The following NPDC1 variants were observed in gnomAD, a reference collection of about 807,000 sequenced individuals.
The protein encoded by NPDC1 is neural proliferation, differentiation and control 1, also known as neural proliferation differentiation and control protein 1.
In NPDC1, 18 loss-of-function variants were observed where a neutral mutation model predicts 32.5. That is an observed-to-expected ratio of 0.55 (90% CI 0.38 to 0.82). The LOEUF (loss-of-function observed/expected upper bound fraction) is 0.82, where lower values mean the gene tolerates loss of function less well. NPDC1 is among the 40% of genes least tolerant of loss of function. The pLI, the probability that NPDC1 is intolerant of heterozygous loss-of-function variation, is 0.00. For missense variants in NPDC1, 468 were observed against 406.6 expected, an observed-to-expected ratio of 1.15 and a Z score of -1.30; for synonymous variants, 210 against 184.7, an observed-to-expected ratio of 1.14 and a Z score of -1.11.
intron 1 of NPDC1, among the ~76,000 whole-genome samples, chr9:137,045,553 G>T: frequency 6.6e-6 from 1 of 152,236 alleles, no homozygotes; most frequent in East Asian, 1.9e-4. Context: ...GACTCCCGGC[G>T]GGCCCGCCCA....
At chr9:137,041,371 C>T (rs111689451) in intron 2 of NPDC1, among the ~76,000 whole-genome samples, 184 bp from the exon 3 acceptor site, 2 of 152,146 alleles carry the variant, frequency 1.3e-5, no homozygotes, top group East Asian at 1.9e-4. Flanking sequence ...CAGTGCTTCC[C>T]GGAAAGTGGA....
At chr9:137,042,899 C>T (rs200957922) in intron 2 of NPDC1, 28 bp downstream of exon 2, 151 of 1,570,632 alleles carry the variant, frequency 9.6e-5, no homozygotes, top group Non-Finnish European at 8.0e-5. Context: ...GGACATCCCC[C>T]CATCGACTTC....
chr9:137,040,432 C>T lies in NPDC1; in HGVS notation c.713G>A (p.Gly238Glu). 1 of 1,554,144 alleles carries T rather than the reference C, an allele frequency of 6.4e-7. No individual in the cohort carries two copies. Among genetic ancestry groups the T allele is most frequent in the Non-Finnish European group, 8.7e-7 (1 of 1,150,146 alleles). ...CGCGCTCTGTGCCAGCCGCTGGTCCCCAGGCTGTGGGAAGGAGGAGGCGAG... is the reference window on the plus strand; with the variant it reads ...CGCGCTCTGTGCCAGCCGCTGGTCCTCAGGCTGTGGGAAGGAGGAGGCGAG... Reference protein sequence around the residue: ...GSPAAPRISPGDQRLAQSAEM... With the variant: ...GSPAAPRISPEDQRLAQSAEM... Residue 238 changes from glycine to glutamate, a missense_variant, in exon 7 of 9, where the codon GGG becomes GAG. Physicochemically the swap from Gly to Glu is moderately conservative, Grantham distance 98 (BLOSUM62 -2). Transcript: ENST00000371601.
In NPDC1 at chr9:137,039,547, T is replaced by C. The variant is rs1006675757; in HGVS notation, c.*225A>G. ...GCGCTCTACGGTTCTCCATGCCCCCTCCAGTTTGGGGGTCTAAACCGAACA... is the reference window on the plus strand; with the variant it reads ...GCGCTCTACGGTTCTCCATGCCCCCCCCAGTTTGGGGGTCTAAACCGAACA... On this transcript the variant is annotated 3_prime_UTR_variant, in exon 9 of 9. Transcript: ENST00000371601. The C allele has an allele frequency of 2.4e-5, 13 of 530,756 alleles. No individual in the cohort carries two copies. The highest frequency in any genetic ancestry group is 3.6e-5 in the Non-Finnish European group (11 of 302,266). 32.9% of individuals were successfully genotyped at this position (530,756 alleles called of 1,614,324 possible). A position where few individuals can be genotyped will look rare whatever the true frequency, so the allele number is the denominator to read the frequency against.
chr9:137,040,137 C>T (rs1464041263), intron 7 of NPDC1, 70 bp from the exon 8 acceptor site: 1 of 731,426 alleles, frequency 1.4e-6, no homozygotes, highest in East Asian at 2.6e-5. Flanking sequence ...TGGAAGTGGG[C>T]ACTCAGCCCA....
At chr9:137,040,269 A>C in intron 7 of NPDC1, 88 bp downstream of exon 7, 55 of 889,884 alleles carry the variant, frequency 6.2e-5, no homozygotes, top group Non-Finnish European at 7.8e-5. Context: ...GGCCTGGGGT[A>C]AAGTTGGCCA....
chr9:137,040,791 G>T, intron 4 of NPDC1, 23 bp downstream of exon 4: 1 of 1,585,260 alleles, frequency 6.3e-7, no homozygotes. Flanking sequence ...TGCTGCCCCT[G>T]CCCACCCCCG....
At position 137,040,586 on chromosome 9, in the gene NPDC1, C is replaced by A. The variant is rs988168797; in HGVS notation, c.636G>T (p.Glu212Asp). ...ASLCWCRLQR[E>D]IRLTQKADYA... Reference sequence around the variant, plus strand: ...AGTCGGCCTTCTGAGTCAGGCGGATCTCACGCTGCAGCCTGTGGGGAGTGG... The same window carrying A: ...AGTCGGCCTTCTGAGTCAGGCGGATATCACGCTGCAGCCTGTGGGGAGTGG... Residue 212 changes from glutamate (E) to aspartate (D), a missense_variant, in exon 6 of 9, where the codon GAG becomes GAT. Coordinates refer to ENST00000371601, the MANE Select transcript of NPDC1 (RefSeq NM_015392.4). The A allele has an allele frequency of 1.3e-6, 2 of 1,573,506 alleles. No homozygotes were observed. The highest frequency in any genetic ancestry group is 1.7e-6 in the Non-Finnish European group (2 of 1,165,316).
chr9:137,042,782 T>G lies in NPDC1; in HGVS notation c.259+145A>C, dbSNP rs1006025024. 3 of 976,542 alleles carry G rather than the reference T, an allele frequency of 3.1e-6. No individual in the cohort carries two copies. The South Asian group carries it at 5.1e-5, about 17-fold the overall frequency. The allele number at this position is 976,542 out of a possible 1,614,324, so 60.5% of individuals were successfully genotyped here. The stretch of plus-strand genomic sequence containing the variant: ...CATGTTGGCCAGGCTGGTCTTGAAC[T>G]CCTGACCTCATGAGATCCAACAGCC... On this transcript the variant is annotated intron_variant, in intron 2 of 8. Coordinates refer to ENST00000371601, the MANE Select transcript of NPDC1 (RefSeq NM_015392.4).
intron 5 of NPDC1, 27 bp downstream of exon 5, chr9:137,040,644 C>T: frequency 1.3e-6 from 2 of 1,563,800 alleles, no homozygotes; most frequent in Non-Finnish European, 1.7e-6. Context: ...GGCACCCTCC[C>T]TGCCCTGCCC....
At chr9:137,041,515 G>A (rs1832055494) in intron 2 of NPDC1, among the ~76,000 whole-genome samples, 1 of 152,182 alleles carries the variant, frequency 6.6e-6, no homozygotes, top group South Asian at 2.1e-4. Flanking sequence ...CCACCTCCAA[G>A]CACCTTCTCG....
chr9:137,040,745 A>AG lies in NPDC1; in HGVS notation c.557-9dup. ...AGAACGCCAGGATCAGCACTGCAGG[A>AG]GGGGGCGTGTGAGGGCGGCCTTCTG... is the stretch of plus-strand genomic sequence containing the variant. On this transcript the variant is annotated splice_polypyrimidine_tract_variant and intron_variant, in intron 4 of 8. Transcript: ENST00000371601. 1.9e-6 allele frequency: 3 copies of AG among 1,588,372 alleles called. No individual in the cohort carries two copies. Among genetic ancestry groups the AG allele is most frequent in the Non-Finnish European group, 8.5e-7 (1 of 1,172,862 alleles).
In NPDC1 at chr9:137,046,160, A is replaced by G. The variant is rs892390494; in HGVS notation, c.-171T>C. The G allele has an allele frequency of 5.6e-5, 61 of 1,098,924 alleles. No homozygotes were observed. The highest frequency in any genetic ancestry group is 6.3e-5 in the Non-Finnish European group (57 of 902,626). 68.1% of individuals were successfully genotyped at this position (1,098,924 alleles called of 1,614,324 possible). On this transcript the variant is annotated 5_prime_UTR_variant, in exon 1 of 9. Coordinates refer to ENST00000371601, the MANE Select transcript of NPDC1 (RefSeq NM_015392.4). ...AGGAAAGGCACGGGCGGCGGCGCTG[A>G]CGCTGCAGCAAGGATCCGGGATGGA...
rs35547344 is a variant in NPDC1 at position 137,039,962 on chromosome 9, G to T, written c.885+9C>A. 1.0e-5 allele frequency: 8 copies of T among 778,928 alleles called. No homozygotes were observed. The highest frequency in any genetic ancestry group is 1.9e-5 in the Non-Finnish European group (8 of 417,998). 48.3% of individuals were successfully genotyped at this position (778,928 alleles called of 1,614,324 possible). On this transcript the variant is annotated intron_variant, in intron 8 of 8. Transcript: ENST00000371601. ...TGGTTCGCCCCTCCCTGCACCCTGA[G>T]GCACTCACCGGGGCCAGGCCCGGGC...
At chr9:137,044,254 C>G (rs1010815919) in intron 1 of NPDC1, among the ~76,000 whole-genome samples, 1 of 152,240 alleles carries the variant, frequency 6.6e-6, no homozygotes, top group East Asian at 1.9e-4. Context: ...CAGGAGCCAA[C>G]GCCAGGCACC....
At chr9:137,044,805 G>A (rs890938736) in intron 1 of NPDC1, among the ~76,000 whole-genome samples, 5 of 152,210 alleles carry the variant, frequency 3.3e-5, no homozygotes, top group East Asian at 3.8e-4. Flanking sequence ...GGTGGCCTCC[G>A]CCTTTCCTGG....
Position 137,041,089 on chromosome 9 carries a change from T to C in NPDC1, c.358A>G (p.Lys120Glu). 6.5e-7 allele frequency: 1 copy of C among 1,529,316 alleles called. No homozygotes were observed. The highest frequency in any genetic ancestry group is 8.8e-7 in the Non-Finnish European group (1 of 1,140,848). The allele number at this position is 1,529,316 out of a possible 1,614,324, so 94.7% of individuals were successfully genotyped here. The part of the protein sequence containing the change: ...ESGHSTPPLP[K>E]DRQRLPEPAT... ...GGCTCCGGGAGCCGCTGTCGGTCCT[T>C]GGGTAGGGGCGGAGTTGAGTGTCCA... The change falls in exon 3 of 9, where the codon AAG (lysine) becomes GAG (glutamate). Residue 120 changes from lysine (K) to glutamate (E), a missense_variant. Transcript: ENST00000371601.
Position 137,045,928 on chromosome 9 carries a change from G to C in NPDC1, c.62C>G (p.Ser21Cys). 2 of 1,177,996 alleles carry C rather than the reference G, an allele frequency of 1.7e-6. No individual in the cohort carries two copies. Among genetic ancestry groups the C allele is most frequent in the Admixed American group, 4.6e-5 (1 of 21,716 alleles). 73.0% of individuals were successfully genotyped at this position (1,177,996 alleles called of 1,614,324 possible). A position where few individuals can be genotyped will look rare whatever the true frequency, so the allele number is the denominator to read the frequency against. ...RHLRLLRLLL[S>C]GLVLGAALRG... ...CAGGGCGGCGCCGAGGACGAGGCCG[G>C]AGAGCAGCAGCCGCAGCAGCCGCAG... Residue 21 changes from serine to cysteine, a missense_variant, in exon 1 of 9, where the codon TCC (serine) becomes TGC (cysteine). Physicochemically the swap from Ser to Cys is moderately radical, Grantham distance 112. Transcript: ENST00000371601.
At position 137,040,721 on chromosome 9, in the gene NPDC1, G is replaced by C. The variant is rs367632297; in HGVS notation, c.573C>G (p.Phe191Leu). Reference protein sequence around the residue: ...DGLALVLILAFCVAGAAALSV... With the variant: ...DGLALVLILALCVAGAAALSV... ...AGAGGGCGGCTGCACCGGCCACACA[G>C]AACGCCAGGATCAGCACTGCAGGAG... The change falls in exon 5 of 9, where the codon TTC becomes TTG. Residue 191 changes from phenylalanine to leucine, a missense_variant. Coordinates refer to ENST00000371601, the MANE Select transcript of NPDC1 (RefSeq NM_015392.4). The C allele has an allele frequency of 1.6e-5, 25 of 1,590,022 alleles. No individual in the cohort carries two copies. The Admixed American group carries it at 2.1e-4, about 13-fold the overall frequency.
Sources: allele counts gnomAD v4.1 joint callset (sites outside exome capture counted in the v4.1 genomes callset), GRCh38; gene constraint gnomAD v4.1.1; transcripts MANE v1.5; gene names NCBI Gene and HGNC (gene_info 2026-07-23, HGNC 2026-07-21).